PDZRN4: variants seen among roughly 807,000 people sequenced by gnomAD.
PDZRN4 encodes PDZ domain-containing RING finger protein 4.
A neutral mutation model predicts 99.0 loss-of-function variants in PDZRN4; 70 were observed. That is an observed-to-expected ratio of 0.71 (90% CI 0.58 to 0.86). PDZRN4 has a LOEUF of 0.86. PDZRN4 is among the 40% of genes least tolerant of loss of function. The pLI is 0.00. For synonymous variants in PDZRN4, 551 were observed against 501.6 expected (o/e 1.10, Z -1.32); for missense variants, 1,474 against 1,331.2 (o/e 1.11, Z -1.67).
In PDZRN4 at chr12:41,488,498, C is replaced by T. The variant is rs575993498; in HGVS notation, c.844-17958C>T. Among the ~76,000 whole-genome samples, 8 of 152,260 alleles carry T rather than the reference C, an allele frequency of 5.3e-5. No homozygotes were observed. The South Asian group carries it at 1.7e-3, about 32-fold the overall frequency. The stretch of plus-strand genomic sequence containing the variant: ...TGACAATCCTCTGGAATCCAGGGAT[C>T]CTTGTCTTCTCAATCCTTGTCATAT... On this transcript the variant is annotated intron_variant, in intron 3 of 9. Coordinates refer to ENST00000402685, the MANE Select transcript of PDZRN4 (RefSeq NM_001164595.2).
rs188335016 is a variant in PDZRN4, at chr12:41,505,628, C to A, written c.844-828C>A. ...AAGAATAATTTTTCTCTCCCAAATG[C>A]CAATGGTTTCTGCCCCTGTTGAAAA... is the stretch of plus-strand genomic sequence containing the variant. On this transcript the variant is annotated intron_variant, in intron 3 of 9. Coordinates refer to ENST00000402685, the MANE Select transcript of PDZRN4 (RefSeq NM_001164595.2). Among the ~76,000 whole-genome samples the A allele has an allele frequency of 4.5e-4, 69 of 152,184 alleles. 1 individual carries two copies. The highest frequency in any genetic ancestry group is 2.9e-3 in the East Asian group (15 of 5,162).
At chr12:41,410,694 C>G (rs550841562) in intron 3 of PDZRN4, among the ~76,000 whole-genome samples, 3 of 152,130 alleles carry the variant, frequency 2.0e-5, no homozygotes, top group Non-Finnish European at 4.4e-5. Flanking sequence ...GGCTTAATGG[C>G]TCTAACTGTT....
At chr12:41,455,677 T>C (rs988965074) in intron 3 of PDZRN4, among the ~76,000 whole-genome samples, 5 of 152,234 alleles carry the variant, frequency 3.3e-5, no homozygotes, top group African/African-American at 1.2e-4. Context: ...GAGAAGTCCT[T>C]ATGAAATGCT....
At chr12:41,297,193 T>C (rs1374790535) in intron 3 of PDZRN4, among the ~76,000 whole-genome samples, 2 of 152,152 alleles carry the variant, frequency 1.3e-5, no homozygotes, top group African/African-American at 4.8e-5. Context: ...CACAAACTTT[T>C]TGAAGTCCCC....
intron 3 of PDZRN4, among the ~76,000 whole-genome samples, chr12:41,501,245 C>A (rs184009528): frequency 2.0e-5 from 3 of 152,124 alleles, no homozygotes; most frequent in African/African-American, 7.2e-5. Flanking sequence ...CATTCTCAAA[C>A]AGCTGACTCT....
chr12:41,240,026 G>C (rs1951092442), intron 3 of PDZRN4, among the ~76,000 whole-genome samples: 1 of 152,188 alleles, frequency 6.6e-6, no homozygotes, highest in Non-Finnish European at 1.5e-5. Flanking sequence ...GGGCAGCATG[G>C]AGTAAATCAC....
intron 8 of PDZRN4, among the ~76,000 whole-genome samples, chr12:41,565,690 T>A (rs959101643): frequency 6.6e-6 from 1 of 152,134 alleles, no homozygotes; most frequent in Non-Finnish European, 1.5e-5. Flanking sequence ...TTTAAATAAC[T>A]CATTTTCCTC....
rs967735149 is a variant in PDZRN4 at position 41,188,942 on chromosome 12, C to G, written c.487C>G (p.Arg163Gly). 1 of 1,351,068 alleles carries G rather than the reference C, an allele frequency of 7.4e-7. No individual in the cohort carries two copies. The highest frequency in any genetic ancestry group is 9.5e-7 in the Non-Finnish European group (1 of 1,050,646). 83.7% of individuals were successfully genotyped at this position (1,351,068 alleles called of 1,614,324 possible). A position where few individuals can be genotyped will look rare whatever the true frequency, so the allele number is the denominator to read the frequency against. ...GGGCCGCGGGCGGGGACCCGGGCCT[C>G]GGGTCCTCGCCTGGAGGCGGCGCGA... Reference protein sequence around the residue: ...RWGRGRGPGPRVLAWRRREKA... With the variant: ...RWGRGRGPGPGVLAWRRREKA... Residue 163 changes from arginine (R) to glycine (G), a missense_variant, in exon 1 of 10, where the codon CGG (arginine) becomes GGG (glycine). Coordinates refer to ENST00000402685, the MANE Select transcript of PDZRN4 (RefSeq NM_001164595.2).
intron 3 of PDZRN4, among the ~76,000 whole-genome samples, chr12:41,264,452 CAAAAAAT>C (rs929078270): frequency 2.6e-5 from 4 of 151,754 alleles, no homozygotes; most frequent in Non-Finnish European, 4.4e-5. Context: ...TGTAGTGGTT[CAAAAAAT>C]CCATTAGAGG....
At position 41,194,176 on chromosome 12, in the gene PDZRN4, CA is replaced by C; in HGVS notation, c.835del (p.Ile279SerfsTer33). 2 of 1,461,898 alleles carry C rather than the reference CA, an allele frequency of 1.4e-6. No individual in the cohort carries two copies. Among genetic ancestry groups the C allele is most frequent in the Non-Finnish European group, 1.9e-6 (2 of 1,055,210 alleles). 90.6% of individuals were successfully genotyped at this position (1,461,898 alleles called of 1,614,324 possible). A position where few individuals can be genotyped will look rare whatever the true frequency, so the allele number is the denominator to read the frequency against. ...DRADGLEIHD[K>X]IMEVNGKDLS... Reference sequence around the variant, plus strand: ...GAGCAGATGGCCTGGAGATTCATGACAAAATCATGGAGGTAAGACAATGATA... The same window carrying C: ...GAGCAGATGGCCTGGAGATTCATGACAAATCATGGAGGTAAGACAATGATA... On this transcript the variant is annotated frameshift_variant, in exon 3 of 10. Transcript: ENST00000402685. LOFTEE classifies it high-confidence loss of function.
intron 3 of PDZRN4, among the ~76,000 whole-genome samples, chr12:41,323,519 G>T (rs1951692762): frequency 6.6e-6 from 1 of 152,004 alleles, no homozygotes; most frequent in African/African-American, 2.4e-5. Flanking sequence ...TTTGCCAGAT[G>T]AAGAGATTGA....
At chr12:41,417,026 T>C (rs1952450975) in intron 3 of PDZRN4, among the ~76,000 whole-genome samples, 1 of 152,220 alleles carries the variant, frequency 6.6e-6, no homozygotes, top group Admixed American at 6.5e-5. Flanking sequence ...TTATTTTATG[T>C]TTGTAATACA....
At chr12:41,361,867 C>T (rs1951965620) in intron 3 of PDZRN4, among the ~76,000 whole-genome samples, 2 of 152,126 alleles carry the variant, frequency 1.3e-5, no homozygotes, top group South Asian at 4.1e-4. Context: ...GATGTCAGAA[C>T]CTCCATCACC....
chr12:41,300,066 TTG>T (rs1249091361), intron 3 of PDZRN4, among the ~76,000 whole-genome samples: 4 of 151,946 alleles, frequency 2.6e-5, no homozygotes, highest in Non-Finnish European at 5.9e-5. Context: ...ATGTATTTAT[TTG>T]TGTCATATTT....
chr12:41,541,836 A>C (rs1938863643), intron 5 of PDZRN4, among the ~76,000 whole-genome samples: 1 of 152,184 alleles, frequency 6.6e-6, no homozygotes, highest in Non-Finnish European at 1.5e-5. Flanking sequence ...TTTATCCCTG[A>C]CAATCCTCTT....
At chr12:41,364,359 G>A (rs932188843) in intron 3 of PDZRN4, among the ~76,000 whole-genome samples, 1 of 152,006 alleles carries the variant, frequency 6.6e-6, no homozygotes, top group Non-Finnish European at 1.5e-5. Context: ...TGCCTCATAG[G>A]GATTTTGCTG....
intron 3 of PDZRN4, among the ~76,000 whole-genome samples, chr12:41,471,065 T>TAA (rs1952985035): frequency 6.6e-6 from 1 of 152,222 alleles, no homozygotes; most frequent in Non-Finnish European, 1.5e-5. Context: ...CTGACTGAGT[T>TAA]AATCATACAC....
intron 3 of PDZRN4, among the ~76,000 whole-genome samples, chr12:41,243,991 T>A (rs1161693348): frequency 2.0e-5 from 3 of 152,194 alleles, no homozygotes; most frequent in African/African-American, 7.2e-5. Context: ...CTCAGCCAGA[T>A]CCAAGGCTGG....
intron 3 of PDZRN4, among the ~76,000 whole-genome samples, chr12:41,418,995 A>G (rs1345820414): frequency 1.3e-5 from 2 of 152,202 alleles, no homozygotes; most frequent in South Asian, 2.1e-4. Flanking sequence ...ATTTCAGATT[A>G]AGGCTATGTA....
Sources: gnomAD v4.1 joint callset for allele counts (sites outside exome capture counted in the v4.1 genomes callset) on GRCh38, gnomAD v4.1.1 for gene constraint, MANE v1.5 for transcripts, NCBI Gene and HGNC (gene_info 2026-07-23, HGNC 2026-07-21) for gene names.